The following TENM3 variants were observed in gnomAD, a reference collection of about 807,000 sequenced individuals.
TENM3 encodes teneurin transmembrane protein 3, also known as teneurin-3.
Under a neutral mutation model 255.1 loss-of-function variants are expected in TENM3, and 63 were observed. The observed-to-expected ratio is 0.25, with a 90% CI of 0.20 to 0.30. The LOEUF (loss-of-function observed/expected upper bound fraction) is 0.30, where lower values mean the gene tolerates loss of function less well. Ranked by LOEUF, TENM3 falls within the 10% of genes least tolerant of loss-of-function variation. The pLI, the probability that TENM3 is intolerant of heterozygous loss-of-function variation, is 1.00. For missense variants in TENM3, 2,929 were observed against 3,461.1 expected (o/e 0.85, Z 3.86); for synonymous variants, 1,306 against 1,322.3 (o/e 0.99, Z 0.27).
intron 1 of TENM3, among the ~76,000 whole-genome samples, chr4:182,161,799 A>G (rs1751292600): frequency 1.9e-5 from 1 of 53,336 alleles, no homozygotes; most frequent in Non-Finnish European, 3.3e-5. Flanking sequence ...ATATGTATAT[A>G]TATACACATA....
chr4:182,355,927 G>T (rs1765495722), intron 3 of TENM3, among the ~76,000 whole-genome samples: 1 of 148,632 alleles, frequency 6.7e-6, no homozygotes, highest in African/African-American at 2.5e-5. Context: ...ATATATATAT[G>T]AAATTCAATT....
At chr4:182,340,156 A>G (rs1764394947) in intron 2 of TENM3, among the ~76,000 whole-genome samples, 1 of 152,130 alleles carries the variant, frequency 6.6e-6, no homozygotes, top group Non-Finnish European at 1.5e-5. Context: ...TTCTGGGGCC[A>G]TTCATTCTAG....
intron 1 of TENM3, among the ~76,000 whole-genome samples, chr4:182,198,298 A>T (rs1401496226): frequency 1.3e-5 from 2 of 152,212 alleles, no homozygotes; most frequent in African/African-American, 4.8e-5. Flanking sequence ...GGCTTCGTTT[A>T]TCAGCCATTT....
intron 3 of TENM3, among the ~76,000 whole-genome samples, chr4:182,540,826 T>C (rs926388913): frequency 6.6e-6 from 1 of 152,194 alleles, no homozygotes; most frequent in African/African-American, 2.4e-5. Context: ...GAACTGCATA[T>C]GCTAACAGAG....
the TENM3 span, among the ~76,000 whole-genome samples, chr4:181,763,037 AAT>A: frequency 6.6e-6 from 1 of 152,220 alleles, no homozygotes; most frequent in African/African-American, 2.4e-5. Flanking sequence ...ACAAATATAT[AAT>A]ACTTTCTGTT....
chr4:182,466,984 A>G (rs1176671228), intron 3 of TENM3, among the ~76,000 whole-genome samples: 2 of 152,116 alleles, frequency 1.3e-5, no homozygotes, highest in Non-Finnish European at 1.5e-5. Context: ...TTTTCTCCCA[A>G]GAGTCTCACA....
At chr4:182,797,934 C>T (rs563867870) in intron 27 of TENM3, among the ~76,000 whole-genome samples, 29 of 152,148 alleles carry the variant, frequency 1.9e-4, no homozygotes, top group Non-Finnish European at 4.1e-4. Flanking sequence ...AAAAGCAATT[C>T]CTTTTTCATA....
At chr4:182,122,741 C>T in the TENM3 span, among the ~76,000 whole-genome samples, 1 of 152,160 alleles carries the variant, frequency 6.6e-6, no homozygotes, top group African/African-American at 2.4e-5. Flanking sequence ...CTTCAAGTAA[C>T]TAGCTACATT....
intron 6 of TENM3, among the ~76,000 whole-genome samples, chr4:182,658,234 C>T (rs1055134144): frequency 3.3e-5 from 5 of 152,184 alleles, no homozygotes; most frequent in Admixed American, 2.6e-4. Context: ...CTTTCCTTAG[C>T]TTCTGTGATA....
the TENM3 span, among the ~76,000 whole-genome samples, chr4:181,795,944 C>T: frequency 6.6e-6 from 1 of 152,094 alleles, no homozygotes; most frequent in Non-Finnish European, 1.5e-5. Context: ...CAGAGAGACT[C>T]AGTAGGGAGT....
At chr4:181,536,711 A>C in the TENM3 span, among the ~76,000 whole-genome samples, 1 of 152,220 alleles carries the variant, frequency 6.6e-6, no homozygotes, top group African/African-American at 2.4e-5. Context: ...TAGCATTAGG[A>C]GTTAATACAT....
At chr4:181,675,480 A>G in the TENM3 span, among the ~76,000 whole-genome samples, 4 of 152,114 alleles carry the variant, frequency 2.6e-5, no homozygotes, top group Admixed American at 2.6e-4. Flanking sequence ...ATAAACATTA[A>G]TTAGATATAA....
chr4:182,585,565 A>G (rs1745935735), intron 3 of TENM3, among the ~76,000 whole-genome samples: 1 of 152,204 alleles, frequency 6.6e-6, no homozygotes, highest in Non-Finnish European at 1.5e-5. Flanking sequence ...TCTGCAAGCC[A>G]GGAAGAGAAC....
At chr4:182,086,734 A>G in the TENM3 span, among the ~76,000 whole-genome samples, 3 of 152,210 alleles carry the variant, frequency 2.0e-5, no homozygotes, top group Non-Finnish European at 4.4e-5. Flanking sequence ...GCAAAAACCT[A>G]CTTAATCTTT....
chr4:182,129,771 G>T, the TENM3 span, among the ~76,000 whole-genome samples: 1 of 152,090 alleles, frequency 6.6e-6, no homozygotes, highest in Non-Finnish European at 1.5e-5. Flanking sequence ...TTAAGAAAAA[G>T]AAGGTCAATG....
the TENM3 span, among the ~76,000 whole-genome samples, chr4:182,001,758 TA>T: frequency 6.6e-6 from 1 of 152,092 alleles, no homozygotes; most frequent in Admixed American, 6.6e-5. Context: ...TTAGACTTGT[TA>T]AAAATTCAGA....
At chr4:181,745,566 A>G in the TENM3 span, among the ~76,000 whole-genome samples, 6 of 152,184 alleles carry the variant, frequency 3.9e-5, no homozygotes, top group East Asian at 3.9e-4. Context: ...TCAGGCCTAC[A>G]GCAAGACTGC....
chr4:182,492,140 G>T (rs1236740849), intron 3 of TENM3, among the ~76,000 whole-genome samples: 1 of 152,162 alleles, frequency 6.6e-6, no homozygotes, highest in African/African-American at 2.4e-5. Context: ...CTCCTTATAA[G>T]CTTGAATTTA....
the TENM3 span, among the ~76,000 whole-genome samples, chr4:182,074,024 C>T: frequency 1.3e-5 from 2 of 152,116 alleles, no homozygotes; most frequent in Non-Finnish European, 2.9e-5. Context: ...TACTCAATAG[C>T]TCAGAAATGT....
Sources: gnomAD v4.1 joint callset for allele counts (sites outside exome capture counted in the v4.1 genomes callset) on GRCh38, gnomAD v4.1.1 for gene constraint, MANE v1.5 for transcripts, NCBI Gene and HGNC (gene_info 2026-07-23, HGNC 2026-07-21) for gene names.